The following CAMK1D variants were observed in gnomAD, a reference collection of about 807,000 sequenced individuals.
The protein encoded by CAMK1D is calcium/calmodulin dependent protein kinase ID.
CAMK1D carries 9 observed loss-of-function variants against 47.7 expected under a neutral mutation model. The observed-to-expected ratio is 0.19, with a 90% CI of 0.11 to 0.33. The LOEUF is 0.33. Among genes scored for constraint, CAMK1D ranks in the 10% least tolerant of loss-of-function variants. The probability of loss-of-function intolerance (pLI) is 1.00; values close to 1 mark genes in which losing one functional copy is unlikely to be tolerated. For missense variants in CAMK1D, 291 were observed against 488.7 expected (o/e 0.60, Z 3.81); for synonymous variants, 184 against 184.9 (o/e 0.99, Z 0.04).
At chr10:12,439,495 A>G (rs200738245) in intron 1 of CAMK1D, among the ~76,000 whole-genome samples, 3 of 152,166 alleles carry the variant, frequency 2.0e-5, no homozygotes, top group African/African-American at 7.2e-5. Flanking sequence ...CTTGGCTGTG[A>G]TAACAGCTGT....
At chr10:12,719,774 T>G (rs1284148497) in intron 3 of CAMK1D, among the ~76,000 whole-genome samples, 1 of 152,222 alleles carries the variant, frequency 6.6e-6, no homozygotes, top group Non-Finnish European at 1.5e-5. Flanking sequence ...TTCACAGTTA[T>G]CCCAGGATGA....
At chr10:12,486,969 A>G (rs1834237626) in intron 1 of CAMK1D, among the ~76,000 whole-genome samples, 1 of 152,186 alleles carries the variant, frequency 6.6e-6, no homozygotes, top group African/African-American at 2.4e-5. Context: ...ATTCACACAT[A>G]AAACAAAACT....
At chr10:12,600,855 C>G (rs1364926547) in intron 2 of CAMK1D, among the ~76,000 whole-genome samples, 1 of 152,250 alleles carries the variant, frequency 6.6e-6, no homozygotes, top group Non-Finnish European at 1.5e-5. Context: ...TTAGCTCCCA[C>G]TTGTGGGTGA....
chr10:12,440,549 A>G lies in CAMK1D; in HGVS notation c.92+90639A>G, dbSNP rs535381639. Among the ~76,000 whole-genome samples the G allele has an allele frequency of 3.9e-5, 6 of 152,254 alleles. No homozygotes were observed. The East Asian group carries it at 5.8e-4, about 15-fold the overall frequency. On this transcript the variant is annotated intron_variant, in intron 1 of 10. Transcript: ENST00000619168. ...GTGATCCGCCCACCTCGGCCTCCCA[A>G]AGTGCTGGGATTACAGGTGTGAGCC...
chr10:12,386,008 AATGCT>A (rs2131880317), intron 1 of CAMK1D, among the ~76,000 whole-genome samples: 1 of 152,244 alleles, frequency 6.6e-6, no homozygotes, highest in Non-Finnish European at 1.5e-5. Flanking sequence ...GGCCTCCCAA[AATGCT>A]GGGATTACAG....
chr10:12,691,935 C>T (rs1303635159), intron 3 of CAMK1D, among the ~76,000 whole-genome samples: 2 of 152,106 alleles, frequency 1.3e-5, no homozygotes, highest in African/African-American at 4.8e-5. Flanking sequence ...GTTGAGGTGG[C>T]CAGCAACAAT....
chr10:12,570,680 C>CAA (rs35160242), intron 2 of CAMK1D, among the ~76,000 whole-genome samples: 1,248 of 84,440 alleles, frequency 0.015, 19 homozygotes, highest in African/African-American at 0.03. Context: ...AACTCCATCT[C>CAA]AAAAAAAAAA....
chr10:12,618,945 A>G (rs1273630643), intron 2 of CAMK1D, among the ~76,000 whole-genome samples: 2 of 152,228 alleles, frequency 1.3e-5, no homozygotes, highest in Non-Finnish European at 2.9e-5. Flanking sequence ...CTAAGCATGC[A>G]CAGCAAAGAT....
chr10:12,822,304 A>C (rs1833043916), intron 8 of CAMK1D, among the ~76,000 whole-genome samples: 1 of 152,224 alleles, frequency 6.6e-6, no homozygotes, highest in African/African-American at 2.4e-5. Context: ...GCACTGCTGC[A>C]GGAAGACCGT....
intron 1 of CAMK1D, among the ~76,000 whole-genome samples, chr10:12,365,913 G>A (rs1470872152): frequency 1.3e-5 from 2 of 152,158 alleles, no homozygotes; most frequent in East Asian, 3.9e-4. Context: ...AAAATTAGCT[G>A]GGCGTGGTGG....
At chr10:12,491,062 G>A (rs1834368505) in intron 1 of CAMK1D, among the ~76,000 whole-genome samples, 1 of 152,212 alleles carries the variant, frequency 6.6e-6, no homozygotes, top group Non-Finnish European at 1.5e-5. Context: ...CTGGGGATTT[G>A]AGAAATGCTG....
intron 2 of CAMK1D, among the ~76,000 whole-genome samples, chr10:12,615,306 T>A (rs1160859265): frequency 6.6e-6 from 1 of 152,266 alleles, no homozygotes; most frequent in Non-Finnish European, 1.5e-5. Flanking sequence ...TGTTGCATTT[T>A]ATATTCCATT....
At chr10:12,420,413 A>G (rs1840010297) in intron 1 of CAMK1D, among the ~76,000 whole-genome samples, 1 of 152,200 alleles carries the variant, frequency 6.6e-6, no homozygotes, top group African/African-American at 2.4e-5. Flanking sequence ...TACTTTATGA[A>G]TTATTTTGTT....
At chr10:12,647,605 G>C (rs2132502078) in intron 2 of CAMK1D, among the ~76,000 whole-genome samples, 1 of 152,218 alleles carries the variant, frequency 6.6e-6, no homozygotes. Flanking sequence ...TTTCAGTTGG[G>C]CGGGAATTGT....
intron 10 of CAMK1D, 53 bp downstream of exon 10, chr10:12,825,743 G>A: frequency 1.9e-6 from 3 of 1,612,502 alleles, no homozygotes; most frequent in Non-Finnish European, 2.5e-6. Context: ...GACGAGCCTG[G>A]GGTGGAGAGG....
chr10:12,524,513 C>T (rs1203858473), intron 1 of CAMK1D, among the ~76,000 whole-genome samples: 1 of 151,962 alleles, frequency 6.6e-6, no homozygotes, highest in African/African-American at 2.4e-5. Flanking sequence ...CGAGACCATC[C>T]TGGCTAACAC....
In CAMK1D at chr10:12,630,728, G is replaced by T. The variant is rs11257924; in HGVS notation, c.225-36008G>T. On this transcript the variant is annotated intron_variant, in intron 2 of 10. Transcript: ENST00000619168. ...CGTGAGCTACTGCCCCTGGCCCTTT[G>T]CTCTCTTTATCTTACCAGTGGAGCT... Among the ~76,000 whole-genome samples the T allele has an allele frequency of 7.0e-3, 1,066 of 152,158 alleles. 18 individuals carry two copies. Among genetic ancestry groups the T allele is most frequent in the South Asian group, 0.054 (261 of 4,822 alleles).
intron 7 of CAMK1D, among the ~76,000 whole-genome samples, 193 bp downstream of exon 7, chr10:12,814,500 G>C (rs1414204559): frequency 6.6e-6 from 1 of 152,172 alleles, no homozygotes; most frequent in Non-Finnish European, 1.5e-5. Flanking sequence ...CGCAGCTCTG[G>C]AGGCTGGGAA....
At chr10:12,654,707 G>A (rs927752959) in intron 2 of CAMK1D, among the ~76,000 whole-genome samples, 2 of 152,074 alleles carry the variant, frequency 1.3e-5, no homozygotes, top group South Asian at 2.1e-4. Context: ...GGACACCCTG[G>A]ATCTTAACCT....
Sources: allele counts gnomAD v4.1 joint callset (sites outside exome capture counted in the v4.1 genomes callset), GRCh38; gene constraint gnomAD v4.1.1; transcripts MANE v1.5; gene names NCBI Gene and HGNC (gene_info 2026-07-23, HGNC 2026-07-21).